TAF12: variants seen among roughly 807,000 people sequenced by gnomAD.
The protein encoded by TAF12 is transcription initiation factor TFIID subunit 12.
A neutral mutation model predicts 20.8 loss-of-function variants in TAF12; 3 were observed. The observed-to-expected ratio is 0.14, with a 90% confidence interval of 0.07 to 0.37. The LOEUF is 0.37. Among genes scored for constraint, TAF12 ranks in the 10% least tolerant of loss-of-function variants. The probability of loss-of-function intolerance (pLI) is 1.00; values close to 1 mark genes in which losing one functional copy is unlikely to be tolerated. For synonymous variants in TAF12, 69 were observed against 70.2 expected, an observed-to-expected ratio of 0.98 and a Z score of 0.09; for missense variants, 131 against 197.9, an observed-to-expected ratio of 0.66 and a Z score of 2.03.
intron 3 of TAF12, among the ~76,000 whole-genome samples, chr1:28,614,674 C>CA (rs1192586079): frequency 0.051 from 4,340 of 85,540 alleles, 194 homozygotes; most frequent in African/African-American, 0.16. Context: ...CAGGGCGAGA[C>CA]AAAAAAAAAA....
rs188788678 is a variant in TAF12, at chr1:28,633,633, C to T, written c.-85+9359G>A. Among the ~76,000 whole-genome samples the T allele has an allele frequency of 4.1e-3, 615 of 150,658 alleles. 22 individuals are homozygous for T. Among genetic ancestry groups the T allele is most frequent in the Non-Finnish European group, 9.2e-4 (62 of 67,632 alleles). On this transcript the variant is annotated intron_variant, in intron 1 of 5. Coordinates refer to ENST00000373824, the MANE Select transcript of TAF12 (RefSeq NM_005644.4). ...CTCTACTAAAAATACAAAAATTAGC[C>T]GGGTATGTTGGCTCACACCTGTAAT...
At chr1:28,623,665 A>G (rs942076934) in intron 1 of TAF12, among the ~76,000 whole-genome samples, 6 of 152,194 alleles carry the variant, frequency 3.9e-5, no homozygotes, top group African/African-American at 1.2e-4. Context: ...AAGAATACAG[A>G]CTAGTTCATT....
At chr1:28,628,488 C>A (rs950176142) in intron 1 of TAF12, among the ~76,000 whole-genome samples, 2 of 151,738 alleles carry the variant, frequency 1.3e-5, no homozygotes, top group East Asian at 3.9e-4. Flanking sequence ...ATGGCCAGGG[C>A]ATGTAGGAGA....
At chr1:28,639,864 C>T (rs1043647495) in intron 1 of TAF12, among the ~76,000 whole-genome samples, 1 of 149,858 alleles carries the variant, frequency 6.7e-6, no homozygotes, top group Non-Finnish European at 1.5e-5. Context: ...TTTTTTCAGA[C>T]AGAGTCTCAT....
At chr1:28,628,318 T>C (rs1336423642) in intron 1 of TAF12, among the ~76,000 whole-genome samples, 2 of 141,810 alleles carry the variant, frequency 1.4e-5, no homozygotes, top group South Asian at 2.3e-4. Flanking sequence ...TGAGCCGAGA[T>C]TGCGCCACTG....
chr1:28,607,089 G>T (rs1666690818), intron 4 of TAF12, among the ~76,000 whole-genome samples: 1 of 152,228 alleles, frequency 6.6e-6, no homozygotes, highest in Non-Finnish European at 1.5e-5. Flanking sequence ...GACAGTAACT[G>T]GCATAGGGGC....
chr1:28,613,906 G>T (rs1035932916), intron 3 of TAF12, among the ~76,000 whole-genome samples: 2 of 152,146 alleles, frequency 1.3e-5, no homozygotes, highest in African/African-American at 4.8e-5. Context: ...TCAGAAGTTC[G>T]AGACCAGCCC....
intron 1 of TAF12, among the ~76,000 whole-genome samples, chr1:28,622,518 T>C (rs887211580): frequency 6.6e-6 from 1 of 152,284 alleles, no homozygotes; most frequent in Middle Eastern, 3.4e-3. Context: ...AACCATCTCA[T>C]TTCCAAATAT....
intron 1 of TAF12, among the ~76,000 whole-genome samples, chr1:28,627,951 C>G (rs1319213006): frequency 1.3e-5 from 2 of 152,002 alleles, no homozygotes; most frequent in African/African-American, 4.8e-5. Flanking sequence ...GATTTTAAAA[C>G]TGTAACACAT....
chr1:28,645,903 G>A (rs1424965948), upstream of TAF12, among the ~76,000 whole-genome samples: 5 of 151,820 alleles, frequency 3.3e-5, no homozygotes. Context: ...GGGTGGTAGA[G>A]GTTGAAGCGA....
chr1:28,603,896 TTTTC>T (rs928961791), intron 5 of TAF12, among the ~76,000 whole-genome samples: 18 of 150,048 alleles, frequency 1.2e-4, no homozygotes, highest in Non-Finnish European at 2.5e-4. Context: ...AAAGCATGTG[TTTTC>T]TTTCTTTCTT....
At chr1:28,617,571 C>T (rs1017295307) in intron 3 of TAF12, among the ~76,000 whole-genome samples, 4 of 151,848 alleles carry the variant, frequency 2.6e-5, no homozygotes, top group African/African-American at 4.8e-5. Flanking sequence ...CTCAGCCTCC[C>T]GAGTAGCTGG....
In TAF12 at chr1:28,617,608, G is replaced by T. The variant is rs566039714; in HGVS notation, c.246+345C>A. Among the ~76,000 whole-genome samples, 124 of 151,746 alleles carry T rather than the reference G, an allele frequency of 8.2e-4. 1 individual carries two copies. The highest frequency in any genetic ancestry group is 1.5e-3 in the Non-Finnish European group (104 of 67,924). Reference sequence around the variant, plus strand: ...ACTACAGGCGCCCGCCACCATGCCCGGCTAATTTTGTTTTTTGTATTTTTA... The same window carrying T: ...ACTACAGGCGCCCGCCACCATGCCCTGCTAATTTTGTTTTTTGTATTTTTA... On this transcript the variant is annotated intron_variant, in intron 3 of 5. Coordinates refer to ENST00000373824, the MANE Select transcript of TAF12 (RefSeq NM_005644.4).
At chr1:28,629,288 C>T (rs1667539682) in intron 1 of TAF12, among the ~76,000 whole-genome samples, 1 of 152,062 alleles carries the variant, frequency 6.6e-6, no homozygotes. Flanking sequence ...AGATAAACTA[C>T]TATTTGAATT....
intron 1 of TAF12, among the ~76,000 whole-genome samples, chr1:28,639,482 T>C (rs1234982833): frequency 2.0e-5 from 3 of 151,502 alleles, no homozygotes; most frequent in African/African-American, 7.3e-5. Context: ...TCGGCTCTAA[T>C]TATAATGCAA....
chr1:28,648,217 C>T, exon 1 of TAF12: 1 of 985,330 alleles, frequency 1.0e-6, no homozygotes, highest in Non-Finnish European at 1.2e-6. Flanking sequence ...CCGCTGAGAG[C>T]CGGTATTCCA....
At chr1:28,639,541 T>G (rs1245675714) in intron 1 of TAF12, among the ~76,000 whole-genome samples, 2 of 152,038 alleles carry the variant, frequency 1.3e-5, no homozygotes, top group African/African-American at 2.4e-5. Context: ...AAGTCAACGC[T>G]AGAGCCACAA....
At chr1:28,627,239 T>G (rs1179937957) in intron 1 of TAF12, among the ~76,000 whole-genome samples, 1 of 151,404 alleles carries the variant, frequency 6.6e-6, no homozygotes, top group African/African-American at 2.4e-5. Context: ...AATATAAAAA[T>G]TAGCCGGGCG....
Position 28,619,090 on chromosome 1 carries a change from G to A in TAF12, c.169-1060C>T, listed in dbSNP as rs139005232. Among the ~76,000 whole-genome samples the A allele has an allele frequency of 1.9e-3, 282 of 152,078 alleles. 3 individuals carry two copies. Among genetic ancestry groups the A allele is most frequent in the African/African-American group, 6.7e-3 (277 of 41,518 alleles). ...AAAAGGGCCTGGCACAGTGGCTCAC[G>A]CCTGTAATCCCACCACTTTGGAAGG... On this transcript the variant is annotated intron_variant, in intron 2 of 5. Coordinates refer to ENST00000373824, the MANE Select transcript of TAF12 (RefSeq NM_005644.4).
Sources: gnomAD v4.1 joint callset for allele counts (sites outside exome capture counted in the v4.1 genomes callset) on GRCh38, gnomAD v4.1.1 for gene constraint, MANE v1.5 for transcripts, NCBI Gene and HGNC (gene_info 2026-07-23, HGNC 2026-07-21) for gene names.